METTL25: variants seen among roughly 807,000 people sequenced by gnomAD.
The protein encoded by METTL25 is probable methyltransferase-like protein 25.
A neutral mutation model predicts 71.6 loss-of-function variants in METTL25; 64 were observed. The ratio of observed to expected loss-of-function variants is 0.89; its 90% CI spans 0.73 to 1.10. METTL25 has a LOEUF of 1.10. Ranked by LOEUF, METTL25 falls within the 50% of genes least tolerant of loss-of-function variation. The pLI, the probability that METTL25 is intolerant of heterozygous loss-of-function variation, is 0.00. For missense variants in METTL25, 807 were observed against 707.0 expected, an observed-to-expected ratio of 1.14 and a Z score of -1.60; for synonymous variants, 287 against 250.3, an observed-to-expected ratio of 1.15 and a Z score of -1.38.
intron 1 of METTL25, among the ~76,000 whole-genome samples, chr12:82,360,604 G>A (rs979973916): frequency 1.3e-5 from 2 of 152,192 alleles, no homozygotes; most frequent in African/African-American, 4.8e-5. Flanking sequence ...AAAAAACCGA[G>A]CCATGAAGAT....
chr12:82,424,345 T>C (rs1482508158), intron 5 of METTL25, among the ~76,000 whole-genome samples: 5 of 151,674 alleles, frequency 3.3e-5, no homozygotes, highest in African/African-American at 1.2e-4. Context: ...TTGAGAACAC[T>C]TGGACACAGG....
At chr12:82,468,952 T>C (rs1437913520) in intron 9 of METTL25, 1 of 152,214 alleles carries the variant, frequency 6.6e-6, no homozygotes, top group Non-Finnish European at 1.5e-5. Context: ...ACTCAGCCAA[T>C]AGAAACCTAG....
chr12:82,437,015 T>C (rs17719033), intron 7 of METTL25, among the ~76,000 whole-genome samples: 4,976 of 151,678 alleles, frequency 0.033, 91 homozygotes, highest in Admixed American at 0.041. Flanking sequence ...TGAAAGGATT[T>C]TTAAGAAAGT....
rs61929495 is a variant in METTL25, at chr12:82,471,692, T to G, written c.1573-4952T>G. On this transcript the variant is annotated intron_variant, in intron 9 of 11. Coordinates refer to ENST00000248306, the MANE Select transcript of METTL25 (RefSeq NM_032230.3). ...TATGATGGTAACTCCAATAAAATGTTACTTGTGAAAACCATTATAGATTCT... is the reference window on the plus strand; with the variant it reads ...TATGATGGTAACTCCAATAAAATGTGACTTGTGAAAACCATTATAGATTCT... Among the ~76,000 whole-genome samples, 1,143 of 152,378 alleles carry G rather than the reference T, an allele frequency of 7.5e-3. 14 individuals are homozygous for G. The highest frequency in any genetic ancestry group is 0.012 in the Admixed American group (183 of 15,302).
intron 1 of METTL25, among the ~76,000 whole-genome samples, chr12:82,372,313 G>C (rs1883324505): frequency 6.6e-6 from 1 of 152,098 alleles, no homozygotes; most frequent in Non-Finnish European, 1.5e-5. Context: ...CGAATAGCCT[G>C]GGGATTTTTG....
chr12:82,434,754 A>C (rs1267968270), intron 7 of METTL25, 30 bp downstream of exon 7: 3 of 1,599,518 alleles, frequency 1.9e-6, no homozygotes, highest in Non-Finnish European at 2.6e-6. Flanking sequence ...GATGAACACG[A>C]CAGTTTTTCT....
At chr12:82,458,862 C>G (rs955391382) in intron 9 of METTL25, among the ~76,000 whole-genome samples, 1 of 152,036 alleles carries the variant, frequency 6.6e-6, no homozygotes, top group African/African-American at 2.4e-5. Context: ...ATATCCAACT[C>G]CAGCCTACTC....
At chr12:82,390,332 A>G (rs1424612086) in intron 3 of METTL25, among the ~76,000 whole-genome samples, 1 of 152,034 alleles carries the variant, frequency 6.6e-6, no homozygotes, top group Non-Finnish European at 1.5e-5. Context: ...TCATTATAGT[A>G]ACACAAAGTA....
intron 9 of METTL25, chr12:82,474,380 A>G (rs1348070133): frequency 2.6e-5 from 4 of 152,214 alleles, no homozygotes; most frequent in Non-Finnish European, 5.9e-5. Flanking sequence ...TCAACACTCC[A>G]ATCAAATCTC....
chr12:82,363,606 C>T (rs1036411250), intron 1 of METTL25, among the ~76,000 whole-genome samples: 1 of 151,720 alleles, frequency 6.6e-6, no homozygotes, highest in Non-Finnish European at 1.5e-5. Flanking sequence ...CAGTTTGAGT[C>T]AAAACAAGTT....
chr12:82,392,182 G>C, intron 3 of METTL25, among the ~76,000 whole-genome samples: 1 of 149,882 alleles, frequency 6.7e-6, no homozygotes, highest in Non-Finnish European at 1.5e-5. Context: ...GTATACATGT[G>C]CCATGCTGGT....
chr12:82,386,712 T>C (rs1418924847), intron 1 of METTL25, 91 bp from the exon 2 acceptor site: 3 of 1,011,756 alleles, frequency 3.0e-6, no homozygotes, highest in East Asian at 4.9e-5. Context: ...GCATTTGTTA[T>C]ACAAATTAAG....
intron 1 of METTL25, among the ~76,000 whole-genome samples, chr12:82,373,834 C>T (rs1883528461): frequency 6.6e-6 from 1 of 152,194 alleles, no homozygotes; most frequent in African/African-American, 2.4e-5. Flanking sequence ...CCCAGAAAGT[C>T]TAACACCTGT....
chr12:82,377,603 A>C (rs1377568503), intron 1 of METTL25, among the ~76,000 whole-genome samples: 1 of 152,216 alleles, frequency 6.6e-6, no homozygotes, highest in Non-Finnish European at 1.5e-5. Context: ...CAGTGAAAAA[A>C]GAATAATCTC....
At chr12:82,386,066 T>C (rs916895838) in intron 1 of METTL25, among the ~76,000 whole-genome samples, 1 of 152,138 alleles carries the variant, frequency 6.6e-6, no homozygotes, top group Non-Finnish European at 1.5e-5. Flanking sequence ...TGGAAACTGC[T>C]GACATTTACA....
At chr12:82,371,275 G>T (rs1207963899) in intron 1 of METTL25, among the ~76,000 whole-genome samples, 1 of 152,176 alleles carries the variant, frequency 6.6e-6, no homozygotes, top group Non-Finnish European at 1.5e-5. Context: ...ACGTGAGCTG[G>T]TGCCTGCCCC....
chr12:82,452,333 T>C (rs939896002), intron 8 of METTL25, among the ~76,000 whole-genome samples: 95 of 152,276 alleles, frequency 6.2e-4, no homozygotes, highest in African/African-American at 1.8e-3. Flanking sequence ...TTCTATTGCT[T>C]AACTAATACA....
At position 82,477,357 on chromosome 12, in the gene METTL25, A is replaced by G. The variant is rs749917179; in HGVS notation, c.1719+5A>G. 17 of 1,473,444 alleles carry G rather than the reference A, an allele frequency of 1.2e-5. No homozygotes were observed. The highest frequency in any genetic ancestry group is 9.3e-7 in the Non-Finnish European group (1 of 1,075,920). 91.3% of individuals were successfully genotyped at this position (1,473,444 alleles called of 1,614,324 possible). Reference sequence around the variant, plus strand: ...CTTTGTTACCTGAAAGAGCAGGTAAATTATGTTATTTTAAAATACACAACA... The same window carrying G: ...CTTTGTTACCTGAAAGAGCAGGTAAGTTATGTTATTTTAAAATACACAACA... On this transcript the variant is annotated splice_donor_5th_base_variant and intron_variant, in intron 11 of 11. Transcript: ENST00000248306.
chr12:82,430,113 C>CT (rs1250185539), intron 5 of METTL25, among the ~76,000 whole-genome samples: 3 of 149,716 alleles, frequency 2.0e-5, no homozygotes, highest in East Asian at 2.0e-4. Flanking sequence ...TTTATCTCGA[C>CT]TTTTTTTTAA....
Sources: gnomAD v4.1 joint callset for allele counts (sites outside exome capture counted in the v4.1 genomes callset) on GRCh38, gnomAD v4.1.1 for gene constraint, MANE v1.5 for transcripts, NCBI Gene and HGNC (gene_info 2026-07-23, HGNC 2026-07-21) for gene names.